Variants in DDB2 observed in about 807,000 individuals in gnomAD.
The protein encoded by DDB2 is DNA damage-binding protein 2.
Under a neutral mutation model 50.5 loss-of-function variants are expected in DDB2, and 27 were observed. That is an observed-to-expected ratio of 0.53 (90% CI 0.39 to 0.74). The LOEUF (loss-of-function observed/expected upper bound fraction) is 0.74. DDB2 is among the 30% of genes least tolerant of loss of function. The pLI is 0.00. For synonymous variants in DDB2, 176 were observed against 205.5 expected, an observed-to-expected ratio of 0.86 and a Z score of 1.23; for missense variants, 424 against 545.6, an observed-to-expected ratio of 0.78 and a Z score of 2.22.
intron 7 of DDB2, 80 bp downstream of exon 7, chr11:47,235,492 G>C (rs1953713578): frequency 2.7e-6 from 4 of 1,499,200 alleles, no homozygotes; most frequent in Non-Finnish European, 3.6e-6. Context: ...GTGGGGAAGG[G>C]CTGATGTGGT....
At chr11:47,227,099 C>CTTTTTTTTTTTTT (rs34243882) in intron 3 of DDB2, among the ~76,000 whole-genome samples, 2 of 32,144 alleles carry the variant, frequency 6.2e-5, no homozygotes, top group Non-Finnish European at 1.0e-4. Context: ...GGATATTAAC[C>CTTTTTTTTTTTTT]TTTTTTTTTT....
In DDB2 at chr11:47,237,919, T is replaced by C; in HGVS notation, c.1106T>C (p.Leu369Ser). 6.2e-7 allele frequency: 1 copy of C among 1,614,180 alleles called. No individual in the cohort carries two copies. Among genetic ancestry groups the C allele is most frequent in the Non-Finnish European group, 8.5e-7 (1 of 1,180,034 alleles). Residue 369 changes from leucine to serine, a missense_variant, in exon 8 of 10, where the codon TTG becomes TCG. Coordinates refer to ENST00000256996, the MANE Select transcript of DDB2 (RefSeq NM_000107.3). ...TTCAAAAGTTGTACCCCTTATGAATTGAGGACGATCGACGTGTTCGATGGA... is the reference window on the plus strand; with the variant it reads ...TTCAAAAGTTGTACCCCTTATGAATCGAGGACGATCGACGTGTTCGATGGA... ...PNFKSCTPYE[L>S]RTIDVFDGNS... is the part of the protein sequence containing the mutation.
intron 3 of DDB2, among the ~76,000 whole-genome samples, chr11:47,225,730 G>A (rs1395222589): frequency 6.6e-6 from 1 of 151,728 alleles, no homozygotes; most frequent in Non-Finnish European, 1.5e-5. Flanking sequence ...CTTTTTTCTT[G>A]TAAAACTGAA....
At chr11:47,228,094 C>T (rs566038826) in intron 3 of DDB2, among the ~76,000 whole-genome samples, 5 of 142,540 alleles carry the variant, frequency 3.5e-5, no homozygotes, top group Admixed American at 3.0e-4. Flanking sequence ...GAGGTGAGAT[C>T]GTACCACTGC....
chr11:47,235,525 C>G, intron 7 of DDB2, 113 bp downstream of exon 7: 1 of 1,170,162 alleles, frequency 8.5e-7, no homozygotes, highest in Non-Finnish European at 1.2e-6. Flanking sequence ...CCAGATCGCT[C>G]CTGGCCCGAG....
upstream of DDB2, chr11:47,214,684 T>C (rs1953372106): frequency 4.2e-6 from 1 of 239,572 alleles, no homozygotes; most frequent in South Asian, 5.8e-5. Flanking sequence ...GGTGGGAGGA[T>C]CGCTTGAGCC....
chr11:47,224,193 G>C (rs1242474161), intron 3 of DDB2, among the ~76,000 whole-genome samples: 1 of 152,000 alleles, frequency 6.6e-6, no homozygotes, highest in Non-Finnish European at 1.5e-5. Context: ...ATTATGATGT[G>C]CTTGTGGGGG....
chr11:47,216,735 G>C, intron 2 of DDB2, 123 bp from the exon 3 acceptor site: 1 of 1,084,222 alleles, frequency 9.2e-7, no homozygotes, highest in Non-Finnish European at 1.4e-6. Context: ...CACAGGGCAG[G>C]CAGTTAGCTT....
chr11:47,232,024 A>G (rs1953656254), intron 3 of DDB2, among the ~76,000 whole-genome samples: 1 of 152,128 alleles, frequency 6.6e-6, no homozygotes, highest in African/African-American at 2.4e-5. Context: ...TGTTAATTAA[A>G]AAAAAAAGTA....
At chr11:47,221,916 T>C (rs1208064812) in intron 3 of DDB2, among the ~76,000 whole-genome samples, 1 of 152,228 alleles carries the variant, frequency 6.6e-6, no homozygotes, top group Non-Finnish European at 1.5e-5. Context: ...TGAGGTATAG[T>C]GGACATAAAC....
At chr11:47,216,595 T>C in intron 2 of DDB2, 123 bp downstream of exon 2, 2 of 1,411,010 alleles carry the variant, frequency 1.4e-6, no homozygotes, top group Non-Finnish European at 2.0e-6. Flanking sequence ...ACCCAGACTG[T>C]GGTGACTGGC....
rs187941293 is a variant in DDB2, at chr11:47,237,818, C to T, written c.1024-19C>T. ...CATGTTCTGTGTTTACCCTCATGGCCGGCCTCTCCATCTCCTAGGCAGCCT... is the reference window on the plus strand; with the variant it reads ...CATGTTCTGTGTTTACCCTCATGGCTGGCCTCTCCATCTCCTAGGCAGCCT... On this transcript the variant is annotated intron_variant, in intron 7 of 9. Coordinates refer to ENST00000256996, the MANE Select transcript of DDB2 (RefSeq NM_000107.3). 54 of 1,613,676 alleles carry T rather than the reference C, an allele frequency of 3.3e-5. No individual in the cohort carries two copies. In the Admixed American group the frequency reaches 3.7e-4, roughly 11 times the overall value.
At chr11:47,215,353 C>T (rs560831081) in intron 1 of DDB2, 90 bp downstream of exon 1, 16 of 1,599,922 alleles carry the variant, frequency 1.0e-5, no homozygotes, top group Non-Finnish European at 1.4e-5. Flanking sequence ...CCGAGGCTCC[C>T]GAGGCCCGCG....
rs1193909531 is a variant in DDB2, at chr11:47,234,786, A to G, written c.732A>G (p.Lys244=). The G allele has an allele frequency of 6.2e-7, 1 of 1,614,090 alleles. No homozygotes were observed. Among genetic ancestry groups the G allele is most frequent in the African/African-American group, 1.3e-5 (1 of 74,930 alleles). Residue 244 remains lysine, a synonymous_variant, in exon 6 of 10, where the codon AAA becomes AAG. Transcript: ENST00000256996. The part of the protein sequence containing the change: ...ELWNLRMHKK[K]VTHVALNPCC... ...GGAATCTCAGAATGCACAAAAAGAA[A>G]GTGACGCATGTGGCCCTGAACCCAT...
chr11:47,216,010 G>A, intron 1 of DDB2: 3 of 434,518 alleles, frequency 6.9e-6, no homozygotes, highest in Non-Finnish European at 1.3e-5. Flanking sequence ...GTCCCATCTC[G>A]AGTTTTGCAG....
intron 4 of DDB2, chr11:47,233,308 T>A (rs963157501): frequency 2.6e-6 from 1 of 381,984 alleles, no homozygotes; most frequent in African/African-American, 2.1e-5. Flanking sequence ...TGCCCTGCAC[T>A]CACTGTGGTG....
chr11:47,229,459 G>T (rs1315230684), intron 3 of DDB2, among the ~76,000 whole-genome samples: 5 of 152,130 alleles, frequency 3.3e-5, no homozygotes, highest in African/African-American at 4.8e-5. Flanking sequence ...GGGTGATTGT[G>T]CCCTCGGGAG....
chr11:47,229,677 TGAA>T (rs1342915667), intron 3 of DDB2: 1 of 297,264 alleles, frequency 3.4e-6, no homozygotes, highest in Non-Finnish European at 6.7e-6. Flanking sequence ...GACTTTGAAT[TGAA>T]GACATTGATA....
intron 2 of DDB2, 28 bp from the exon 3 acceptor site, chr11:47,216,830 C>A: frequency 6.2e-7 from 1 of 1,611,824 alleles, no homozygotes; most frequent in South Asian, 1.1e-5. Context: ...GGTTTTAATT[C>A]AACCTAATTC....
Sources: allele counts gnomAD v4.1 joint callset (sites outside exome capture counted in the v4.1 genomes callset), GRCh38; gene constraint gnomAD v4.1.1; transcripts MANE v1.5; gene names NCBI Gene and HGNC (gene_info 2026-07-23, HGNC 2026-07-21).